Variants in ST6GALNAC5 observed in about 807,000 individuals in gnomAD.
ST6GALNAC5 encodes ST6 N-acetylgalactosaminide alpha-2,6-sialyltransferase 5.
ST6GALNAC5 carries 27 observed loss-of-function variants against 33.6 expected under a neutral mutation model. The ratio of observed to expected loss-of-function variants is 0.80; its 90% confidence interval spans 0.59 to 1.11. ST6GALNAC5 has a LOEUF of 1.11. Ranked by LOEUF, ST6GALNAC5 falls within the 50% of genes least tolerant of loss-of-function variation. The pLI is 0.00. For synonymous variants in ST6GALNAC5, 194 were observed against 171.2 expected, an observed-to-expected ratio of 1.13 and a Z score of -1.04; for missense variants, 428 against 454.0, an observed-to-expected ratio of 0.94 and a Z score of 0.52.
At chr1:76,904,338 AG>A (rs1355773251) in intron 2 of ST6GALNAC5, among the ~76,000 whole-genome samples, 1 of 152,216 alleles carries the variant, frequency 6.6e-6, no homozygotes, top group East Asian at 1.9e-4. Flanking sequence ...GTGCTGTGAC[AG>A]GTATCCATAC....
At chr1:76,956,002 A>C (rs1434405689) in intron 2 of ST6GALNAC5, among the ~76,000 whole-genome samples, 1 of 152,176 alleles carries the variant, frequency 6.6e-6, no homozygotes, top group Non-Finnish European at 1.5e-5. Context: ...TAAGAGGTAC[A>C]TGGTTAGTTA....
At chr1:76,889,657 C>T (rs1050143496) in intron 2 of ST6GALNAC5, among the ~76,000 whole-genome samples, 12 of 152,138 alleles carry the variant, frequency 7.9e-5, no homozygotes, top group South Asian at 2.1e-4. Flanking sequence ...ATTGTCTCCC[C>T]TTAATCTGTT....
chr1:76,969,781 G>A (rs375794967), intron 2 of ST6GALNAC5, among the ~76,000 whole-genome samples: 21 of 152,196 alleles, frequency 1.4e-4, no homozygotes, highest in East Asian at 3.9e-4. Context: ...AGTAGTGGCC[G>A]ACTGACACCT....
At chr1:76,942,692 C>A (rs1289126528) in intron 2 of ST6GALNAC5, among the ~76,000 whole-genome samples, 1 of 152,078 alleles carries the variant, frequency 6.6e-6, no homozygotes, top group Non-Finnish European at 1.5e-5. Context: ...GTCTTAGACT[C>A]TTCTCTCTCC....
In ST6GALNAC5 at chr1:77,065,429, A is replaced by G. The variant is rs933103749; in HGVS notation, c.*2223A>G. The stretch of plus-strand genomic sequence containing the variant: ...CTCTCAAATACTCAGAAGAATGAAG[A>G]GGCCAAATTCAGAAAATCATGGCTT... On this transcript the variant is annotated 3_prime_UTR_variant, in exon 5 of 5. Transcript: ENST00000477717. 1.3e-5 allele frequency: 2 copies of G among 152,200 alleles called. No homozygotes were observed. The highest frequency in any genetic ancestry group is 4.8e-5 in the African/African-American group (2 of 41,470). 9.4% of individuals were successfully genotyped at this position (152,200 alleles called of 1,614,324 possible).
At chr1:76,904,007 A>G (rs1646841449) in intron 2 of ST6GALNAC5, among the ~76,000 whole-genome samples, 1 of 152,184 alleles carries the variant, frequency 6.6e-6, no homozygotes, top group Admixed American at 6.5e-5. Flanking sequence ...AATTAAAACC[A>G]TCCAATTCCG....
rs147941225 is a variant in ST6GALNAC5, at chr1:76,904,983, T to C, written c.261+36241T>C. On this transcript the variant is annotated intron_variant, in intron 2 of 4. Transcript: ENST00000477717. ...GGATGAGTACAGGAGAGGAATGACTTTGGGGTGTTGACAGTGTTCTGTTTC... is the reference window on the plus strand; with the variant it reads ...GGATGAGTACAGGAGAGGAATGACTCTGGGGTGTTGACAGTGTTCTGTTTC... Among the ~76,000 whole-genome samples, 267 of 152,188 alleles carry C rather than the reference T, an allele frequency of 1.8e-3. 1 individual carries two copies. The highest frequency in any genetic ancestry group is 6.0e-3 in the African/African-American group (249 of 41,526).
intron 2 of ST6GALNAC5, among the ~76,000 whole-genome samples, chr1:76,885,537 C>A (rs187860791): frequency 6.6e-6 from 1 of 152,092 alleles, no homozygotes; most frequent in Non-Finnish European, 1.5e-5. Context: ...TAGCAGTGCA[C>A]GTGATCAGTG....
At chr1:76,914,737 C>T (rs2100287116) in intron 2 of ST6GALNAC5, among the ~76,000 whole-genome samples, 1 of 152,080 alleles carries the variant, frequency 6.6e-6, no homozygotes, top group South Asian at 2.1e-4. Context: ...CCATAAAAAC[C>T]CTAGAAGAAA....
intron 2 of ST6GALNAC5, among the ~76,000 whole-genome samples, chr1:77,018,042 G>C (rs1213371437): frequency 6.6e-6 from 1 of 152,118 alleles, no homozygotes; most frequent in East Asian, 1.9e-4. Flanking sequence ...AAATCCATCA[G>C]AGATCCTTCA....
chr1:76,998,491 G>A (rs35055417), intron 2 of ST6GALNAC5, among the ~76,000 whole-genome samples: 225 of 152,242 alleles, frequency 1.5e-3, no homozygotes, highest in Non-Finnish European at 2.5e-3. Flanking sequence ...CAAACAAAAT[G>A]TATTCTTATT....
intron 2 of ST6GALNAC5, among the ~76,000 whole-genome samples, chr1:77,032,348 G>A (rs1200593100): frequency 2.0e-5 from 3 of 152,138 alleles, no homozygotes; most frequent in Non-Finnish European, 2.9e-5. Flanking sequence ...GGTGGATGTA[G>A]GAGGACTGGC....
chr1:76,923,184 A>G (rs1167357173), intron 2 of ST6GALNAC5, among the ~76,000 whole-genome samples: 2 of 152,042 alleles, frequency 1.3e-5, no homozygotes, highest in African/African-American at 4.8e-5. Context: ...TACTGGTAAA[A>G]GGCATATAAG....
chr1:76,917,340 T>G (rs530529548), intron 2 of ST6GALNAC5, among the ~76,000 whole-genome samples: 1 of 152,294 alleles, frequency 6.6e-6, no homozygotes, highest in East Asian at 1.9e-4. Flanking sequence ...CTGGCAATAT[T>G]AAACATTGCT....
intron 2 of ST6GALNAC5, among the ~76,000 whole-genome samples, chr1:76,919,282 G>A (rs528357479): frequency 6.6e-6 from 1 of 152,098 alleles, no homozygotes; most frequent in South Asian, 2.1e-4. Context: ...GGGCTGCTTG[G>A]CTCCTCTCTT....
At chr1:76,869,534 G>C (rs759141620) in intron 2 of ST6GALNAC5, among the ~76,000 whole-genome samples, 6 of 152,090 alleles carry the variant, frequency 3.9e-5, no homozygotes, top group Non-Finnish European at 7.4e-5. Flanking sequence ...GAAGCTGCTC[G>C]TATGTTTTTA....
rs542262812 is a variant in ST6GALNAC5 at position 76,912,523 on chromosome 1, G to A, written c.261+43781G>A. 9.2e-5 allele frequency among the ~76,000 whole-genome samples: 14 copies of A among 152,024 alleles called. No individual in the cohort carries two copies. In the South Asian group the frequency reaches 2.9e-3, roughly 32 times the overall value. On this transcript the variant is annotated intron_variant, in intron 2 of 4. Coordinates refer to ENST00000477717, the MANE Select transcript of ST6GALNAC5 (RefSeq NM_030965.3). ...TTGATCTGTCTAATGTTACAGTGGG[G>A]TGTTAAAGTCTCCCATTATTATTGT...
intron 2 of ST6GALNAC5, among the ~76,000 whole-genome samples, chr1:76,871,922 A>G (rs1015207793): frequency 3.3e-5 from 5 of 152,180 alleles, no homozygotes; most frequent in Middle Eastern, 3.4e-3. Flanking sequence ...TTCAGGTACT[A>G]TATCTGTATT....
At chr1:76,949,366 G>C (rs1426040602) in intron 2 of ST6GALNAC5, among the ~76,000 whole-genome samples, 1 of 152,112 alleles carries the variant, frequency 6.6e-6, no homozygotes, top group Non-Finnish European at 1.5e-5. Context: ...GCTCAGTTTT[G>C]CCATCAGAGA....
Sources: allele counts gnomAD v4.1 joint callset (sites outside exome capture counted in the v4.1 genomes callset), GRCh38; gene constraint gnomAD v4.1.1; transcripts MANE v1.5; gene names NCBI Gene and HGNC (gene_info 2026-07-23, HGNC 2026-07-21).